GAB2: variants seen among roughly 807,000 people sequenced by gnomAD.
The protein encoded by GAB2 is GRB2 associated binding protein 2.
GAB2 carries 26 observed loss-of-function variants against 65.5 expected under a neutral mutation model. The observed-to-expected ratio is 0.40, with a 90% CI of 0.29 to 0.55. GAB2 has a LOEUF of 0.55. GAB2 is among the 20% of genes least tolerant of loss of function. GAB2 has a pLI of 0.53. For synonymous variants in GAB2, 321 were observed against 329.6 expected (o/e 0.97, Z 0.28); for missense variants, 884 against 875.8 (o/e 1.01, Z -0.12).
At chr11:78,300,696 T>TG (rs1565149749) in intron 1 of GAB2, among the ~76,000 whole-genome samples, 11 of 94,730 alleles carry the variant, frequency 1.2e-4, no homozygotes, top group African/African-American at 3.6e-4. Flanking sequence ...TTTTTTTTTG[T>TG]TTTTTTTTTT....
chr11:78,367,922 T>G (rs546809902), intron 1 of GAB2, among the ~76,000 whole-genome samples: 2 of 149,246 alleles, frequency 1.3e-5, no homozygotes, highest in South Asian at 4.4e-4. Context: ...ATTCACGCCA[T>G]TCTCCTGCCT....
At chr11:78,263,251 T>G (rs1865781915) in intron 2 of GAB2, among the ~76,000 whole-genome samples, 2 of 152,200 alleles carry the variant, frequency 1.3e-5, no homozygotes, top group African/African-American at 2.4e-5. Flanking sequence ...CCCATTAGTA[T>G]TATTATAAGA....
At chr11:78,290,088 T>G (rs73496768) in intron 1 of GAB2, among the ~76,000 whole-genome samples, 4,185 of 151,844 alleles carry the variant, frequency 0.028, 150 homozygotes, top group African/African-American at 0.088. Context: ...TCTGGCAAAG[T>G]GCGGGAGACA....
At chr11:78,262,581 A>G (rs771229152) in intron 2 of GAB2, among the ~76,000 whole-genome samples, 1 of 152,136 alleles carries the variant, frequency 6.6e-6, no homozygotes, top group Non-Finnish European at 1.5e-5. Context: ...AGAGCCTCGC[A>G]GGACCCAGCT....
chr11:78,251,742 GCTT>G (rs144247799), intron 2 of GAB2, among the ~76,000 whole-genome samples: 23,703 of 152,084 alleles, frequency 0.16, 2,375 homozygotes, highest in East Asian at 0.4. Flanking sequence ...TCCTGGACTT[GCTT>G]CTTCTTCTGT....
intron 1 of GAB2, among the ~76,000 whole-genome samples, chr11:78,357,881 C>G (rs867841277): frequency 3.3e-5 from 5 of 152,194 alleles, no homozygotes; most frequent in African/African-American, 9.7e-5. Context: ...GTGGAAGACA[C>G]TGTGGCAATT....
intron 1 of GAB2, among the ~76,000 whole-genome samples, chr11:78,407,462 C>G (rs1014548402): frequency 6.6e-6 from 1 of 151,830 alleles, no homozygotes; most frequent in African/African-American, 2.4e-5. Context: ...GAAACCCTGT[C>G]TCTACCAAAA....
chr11:78,288,166 G>A (rs2134599484), intron 1 of GAB2, among the ~76,000 whole-genome samples: 1 of 151,362 alleles, frequency 6.6e-6, no homozygotes, highest in South Asian at 2.1e-4. Flanking sequence ...GATTGCTTGA[G>A]GTCAGGAGTT....
chr11:78,335,435 A>T (rs970417789), intron 1 of GAB2, among the ~76,000 whole-genome samples: 2 of 152,150 alleles, frequency 1.3e-5, no homozygotes, highest in African/African-American at 4.8e-5. Context: ...AAAGATAGGG[A>T]TCTAGTTTCA....
chr11:78,332,616 A>C (rs1243111787), intron 1 of GAB2, among the ~76,000 whole-genome samples: 1 of 152,234 alleles, frequency 6.6e-6, no homozygotes, highest in Non-Finnish European at 1.5e-5. Flanking sequence ...TCACAACTTA[A>C]GTAAGAGTCT....
At chr11:78,284,130 C>A (rs1396244681) in intron 1 of GAB2, among the ~76,000 whole-genome samples, 1 of 152,140 alleles carries the variant, frequency 6.6e-6, no homozygotes, top group Admixed American at 6.5e-5. Context: ...AGTTGTCAGA[C>A]CAAAAATCTA....
At chr11:78,286,180 C>T (rs769362910) in intron 1 of GAB2, among the ~76,000 whole-genome samples, 42 of 152,308 alleles carry the variant, frequency 2.8e-4, no homozygotes, top group Non-Finnish European at 4.6e-4. Context: ...CTAAAAATTA[C>T]CTATTATTCT....
At chr11:78,383,228 T>C (rs1050964740) in intron 1 of GAB2, among the ~76,000 whole-genome samples, 3 of 152,000 alleles carry the variant, frequency 2.0e-5, no homozygotes, top group African/African-American at 7.3e-5. Context: ...GCTGAGACCA[T>C]GCCATTGCAC....
At chr11:78,414,636 C>T (rs1025270991) in intron 1 of GAB2, among the ~76,000 whole-genome samples, 1 of 152,150 alleles carries the variant, frequency 6.6e-6, no homozygotes, top group African/African-American at 2.4e-5. Flanking sequence ...TGCCGGCCTC[C>T]CACTGCAGCC....
At chr11:78,345,214 G>T (rs1298440902) in intron 1 of GAB2, among the ~76,000 whole-genome samples, 3 of 152,156 alleles carry the variant, frequency 2.0e-5, no homozygotes, top group Admixed American at 6.5e-5. Flanking sequence ...AGGAGGCAGA[G>T]GTTGCAGTGA....
At chr11:78,412,632 G>A (rs563572385) in intron 1 of GAB2, among the ~76,000 whole-genome samples, 2 of 152,280 alleles carry the variant, frequency 1.3e-5, no homozygotes, top group South Asian at 4.1e-4. Flanking sequence ...TTTGCAAGAT[G>A]TTACCATTAA....
rs181360641 is a variant in GAB2 at position 78,377,705 on chromosome 11, C to T, written c.75+39941G>A. On this transcript the variant is annotated intron_variant, in intron 1 of 9. Coordinates refer to ENST00000361507, the MANE Select transcript of GAB2 (RefSeq NM_080491.3). ...TGGCTGACATGAGAATATTATCTAT[C>T]GCACAGTATTGTAGCAAAGATTAAA... Among the ~76,000 whole-genome samples, 314 of 152,220 alleles carry T rather than the reference C, an allele frequency of 2.1e-3. 1 individual carries two copies. The highest frequency in any genetic ancestry group is 6.7e-3 in the African/African-American group (278 of 41,512).
chr11:78,344,645 C>T (rs1342783560), intron 1 of GAB2, among the ~76,000 whole-genome samples: 1 of 152,072 alleles, frequency 6.6e-6, no homozygotes, highest in African/African-American at 2.4e-5. Context: ...ACAAACAAAA[C>T]CTAAGATATT....
rs192149017 is a variant in GAB2 at position 78,389,603 on chromosome 11, G to T, written c.75+28043C>A. Among the ~76,000 whole-genome samples, 144 of 152,270 alleles carry T rather than the reference G, an allele frequency of 9.5e-4. 1 individual carries two copies. Among genetic ancestry groups the T allele is most frequent in the Non-Finnish European group, 1.3e-3 (87 of 68,016 alleles). ...ATTACAGGCGTGAGCCACCGCGCCC[G>T]GCCGTGGTTTTCTTTTCAGGTAAGA... is the stretch of plus-strand genomic sequence containing the variant. On this transcript the variant is annotated intron_variant, in intron 1 of 9. Coordinates refer to ENST00000361507, the MANE Select transcript of GAB2 (RefSeq NM_080491.3).
Sources: allele counts gnomAD v4.1 joint callset (sites outside exome capture counted in the v4.1 genomes callset), GRCh38; gene constraint gnomAD v4.1.1; transcripts MANE v1.5; gene names NCBI Gene and HGNC (gene_info 2026-07-23, HGNC 2026-07-21).